The following COMMD6 variants were observed in gnomAD, a reference collection of about 807,000 sequenced individuals.
The protein encoded by COMMD6 is COMM domain containing 6.
In COMMD6, 11 loss-of-function variants were observed where a neutral mutation model predicts 13.4. That is an observed-to-expected ratio of 0.82 (90% CI 0.52 to 1.36). The LOEUF is 1.36. COMMD6 is among the 40% of genes most tolerant of loss of function. The pLI is 0.00. For synonymous variants in COMMD6, 43 were observed against 36.5 expected, an observed-to-expected ratio of 1.18 and a Z score of -0.64; for missense variants, 124 against 102.4, an observed-to-expected ratio of 1.21 and a Z score of -0.91.
chr13:75,539,028 G>A (rs1037234492), upstream of COMMD6, among the ~76,000 whole-genome samples: 2 of 152,116 alleles, frequency 1.3e-5, no homozygotes, highest in African/African-American at 4.8e-5. Flanking sequence ...TCCTTGGCTT[G>A]TGGCTCCTTC....
intron 2 of COMMD6, among the ~76,000 whole-genome samples, chr13:75,536,022 G>A (rs1482288663): frequency 6.6e-6 from 1 of 151,926 alleles, no homozygotes; most frequent in African/African-American, 2.4e-5. Flanking sequence ...TGAGTAGCTA[G>A]TACTACAGGT....
At chr13:75,537,275 C>T in intron 2 of COMMD6, 2 of 1,502,472 alleles carry the variant, frequency 1.3e-6, no homozygotes, top group Non-Finnish European at 1.8e-6. Flanking sequence ...CTCTAAAAGG[C>T]TAAAATGCTA....
At chr13:75,529,036 C>T (rs968268403) in intron 3 of COMMD6, among the ~76,000 whole-genome samples, 3 of 152,090 alleles carry the variant, frequency 2.0e-5, no homozygotes, top group Non-Finnish European at 4.4e-5. Flanking sequence ...ATTTCATTCA[C>T]GATGGTTGCT....
chr13:75,530,415 G>A, intron 2 of COMMD6, 149 bp from the exon 3 acceptor site: 1 of 520,446 alleles, frequency 1.9e-6, no homozygotes, highest in Non-Finnish European at 3.3e-6. Context: ...ACTGCTAGAG[G>A]AACAATAATC....
At chr13:75,531,134 A>C (rs2030464632) in intron 2 of COMMD6, among the ~76,000 whole-genome samples, 1 of 152,190 alleles carries the variant, frequency 6.6e-6, no homozygotes, top group Admixed American at 6.5e-5. Flanking sequence ...CTGGGCAAAA[A>C]ACTTCACTTG....
intron 2 of COMMD6, among the ~76,000 whole-genome samples, chr13:75,532,937 T>C (rs995566163): frequency 2.0e-5 from 3 of 151,188 alleles, no homozygotes; most frequent in Non-Finnish European, 3.0e-5. Flanking sequence ...TGTTTTGTTT[T>C]TTTTTTTTTT....
intron 2 of COMMD6, chr13:75,537,442 T>G: frequency 1.9e-6 from 3 of 1,551,488 alleles, no homozygotes; most frequent in Non-Finnish European, 2.6e-6. Flanking sequence ...TGATCTGCAT[T>G]CTTCGGGCTA....
At chr13:75,547,484 T>C (rs2030922082) in intron 1 of COMMD6, among the ~76,000 whole-genome samples, 1 of 152,166 alleles carries the variant, frequency 6.6e-6, no homozygotes, top group African/African-American at 2.4e-5. Flanking sequence ...TGGCAAAGGA[T>C]GTGGGTAAAG....
chr13:75,526,598 T>G lies in COMMD6; in HGVS notation c.249A>C (p.Glu83Asp), dbSNP rs1403607557. Residue 83 changes from glutamate (E) to aspartate (D), a missense_variant, in exon 4 of 4, where the codon GAA becomes GAC. By Grantham distance (45) the Glu-to-Asp change is conservative. Coordinates refer to ENST00000682242, the MANE Select transcript of COMMD6 (RefSeq NM_203495.4). Reference sequence around the variant, plus strand: ...ACCAAAGAATCCGTCTTCACACCGTTTCAATAACTGCAGCAATTTCCTTGA... The same window carrying G: ...ACCAAAGAATCCGTCTTCACACCGTGTCAATAACTGCAGCAATTTCCTTGA... The part of the protein sequence containing the change: ...RQFKEIAAVI[E>D]TV 1.2e-6 allele frequency: 2 copies of G among 1,605,802 alleles called. No homozygotes were observed. The highest frequency in any genetic ancestry group is 1.7e-6 in the Non-Finnish European group (2 of 1,174,646).
intron 2 of COMMD6, among the ~76,000 whole-genome samples, chr13:75,536,145 C>T (rs753098545): frequency 1.4e-4 from 22 of 152,182 alleles, no homozygotes; most frequent in Non-Finnish European, 2.8e-4. Flanking sequence ...AAGCCCTGAG[C>T]TTACAGTCAT....
At chr13:75,538,386 A>G (rs1164850190), upstream of COMMD6, among the ~76,000 whole-genome samples, 1 of 152,222 alleles carries the variant, frequency 6.6e-6, no homozygotes. Flanking sequence ...ATTGACCTCA[A>G]ATCCATCCTA....
At chr13:75,538,134 A>G (rs576615463), upstream of COMMD6, among the ~76,000 whole-genome samples, 58 of 152,320 alleles carry the variant, frequency 3.8e-4, no homozygotes, top group Non-Finnish European at 5.1e-4. Context: ...GGGGCACAGC[A>G]TCCCGCTGCG....
intron 2 of COMMD6, among the ~76,000 whole-genome samples, chr13:75,536,138 C>T (rs2030655503): frequency 6.6e-6 from 1 of 152,168 alleles, no homozygotes; most frequent in South Asian, 2.1e-4. Flanking sequence ...CCTCCCAAAG[C>T]CCTGAGCTTA....
chr13:75,537,802 C>T lies in COMMD6; in HGVS notation c.4G>A (p.Glu2Lys). 1 of 1,604,902 alleles carries T rather than the reference C, an allele frequency of 6.2e-7. No individual in the cohort carries two copies. The highest frequency in any genetic ancestry group is 1.3e-5 in the African/African-American group (1 of 74,930). Residue 2 changes from glutamate (E) to lysine (K), a missense_variant, in exon 1 of 4, where the codon GAG becomes AAG. By Grantham distance (56) the Glu-to-Lys change is moderately conservative. Coordinates refer to ENST00000682242, the MANE Select transcript of COMMD6 (RefSeq NM_203495.4). M[E>K]ASSEPPLDAK... The stretch of plus-strand genomic sequence containing the variant: ...TCCAGCGGCGGCTCGCTGGACGCCT[C>T]CATGGGCAGCGTCTGGGACTTGCGG...
chr13:75,540,924 CAATTT>C (rs545938620), upstream of COMMD6, among the ~76,000 whole-genome samples: 28 of 152,222 alleles, frequency 1.8e-4, no homozygotes, highest in South Asian at 5.2e-3. Flanking sequence ...GGCAATGCTT[CAATTT>C]AAGTATTTAT....
At chr13:75,546,667 C>T (rs892057068) in intron 1 of COMMD6, among the ~76,000 whole-genome samples, 2 of 152,150 alleles carry the variant, frequency 1.3e-5, no homozygotes, top group Non-Finnish European at 2.9e-5. Context: ...ATTATACTGT[C>T]AATGCTAAAG....
chr13:75,548,890 C>A (rs958921489), intron 1 of COMMD6, among the ~76,000 whole-genome samples: 1 of 152,192 alleles, frequency 6.6e-6, no homozygotes, highest in Non-Finnish European at 1.5e-5. Context: ...GACCGGGTTG[C>A]CTCTGTTTAC....
upstream of COMMD6, among the ~76,000 whole-genome samples, chr13:75,540,263 G>T (rs2030803448): frequency 6.6e-6 from 1 of 151,610 alleles, no homozygotes; most frequent in Non-Finnish European, 1.5e-5. Context: ...GAGTCACCAT[G>T]CCCAGCCCCA....
At chr13:75,543,987 T>C (rs2030862424) in intron 1 of COMMD6, among the ~76,000 whole-genome samples, 1 of 152,216 alleles carries the variant, frequency 6.6e-6, no homozygotes, top group Non-Finnish European at 1.5e-5. Context: ...CAGAGAGCTC[T>C]GGAGAGATTC....
Sources: allele counts gnomAD v4.1 joint callset (sites outside exome capture counted in the v4.1 genomes callset), GRCh38; gene constraint gnomAD v4.1.1; transcripts MANE v1.5; gene names NCBI Gene and HGNC (gene_info 2026-07-23, HGNC 2026-07-21).